The following LRRN1 variants were observed in gnomAD, a reference collection of about 807,000 sequenced individuals.
LRRN1 encodes leucine rich repeat neuronal 1, also known as leucine-rich repeat neuronal protein 1.
Under a neutral mutation model 45.8 loss-of-function variants are expected in LRRN1, and 14 were observed. The ratio of observed to expected loss-of-function variants is 0.31; its 90% CI spans 0.20 to 0.48. The LOEUF is 0.48. Among genes scored for constraint, LRRN1 ranks in the 20% least tolerant of loss-of-function variants. The probability of loss-of-function intolerance (pLI) is 0.99; values close to 1 mark genes in which losing one functional copy is unlikely to be tolerated. For missense variants in LRRN1, 789 were observed against 874.2 expected (o/e 0.90, Z 1.23); for synonymous variants, 359 against 330.1 (o/e 1.09, Z -0.95).
intron 1 of LRRN1, among the ~76,000 whole-genome samples, chr3:3,822,382 TG>T (rs1177637135): frequency 6.6e-6 from 1 of 152,170 alleles, no homozygotes; most frequent in East Asian, 1.9e-4. Flanking sequence ...TTGGAAAGGG[TG>T]TTTTCTGTCT....
At chr3:3,802,499 G>A (rs548184200) in intron 1 of LRRN1, among the ~76,000 whole-genome samples, 2 of 152,158 alleles carry the variant, frequency 1.3e-5, no homozygotes, top group Non-Finnish European at 2.9e-5. Context: ...TTGTTTTGGA[G>A]GGCTCAGTGT....
chr3:3,827,052 A>G lies in LRRN1; in HGVS notation c.-278-17312A>G, dbSNP rs1317095162. 2.0e-5 allele frequency among the ~76,000 whole-genome samples: 3 copies of G among 152,188 alleles called. No individual in the cohort carries two copies. In the East Asian group the frequency reaches 5.8e-4, roughly 29 times the overall value. On this transcript the variant is annotated intron_variant, in intron 1 of 1. Coordinates refer to ENST00000319331, the MANE Select transcript of LRRN1 (RefSeq NM_020873.7). ...CACCCATGAAAAAGACTCAGATTCA[A>G]TACGAGACATCAATCCTGTAAATAA...
chr3:3,803,831 T>C (rs1210908602), intron 1 of LRRN1, among the ~76,000 whole-genome samples: 1 of 152,236 alleles, frequency 6.6e-6, no homozygotes, highest in Non-Finnish European at 1.5e-5. Context: ...GAAGTTTGCT[T>C]TTTAATTTCT....
chr3:3,816,658 A>G lies in LRRN1; in HGVS notation c.-279+16739A>G, dbSNP rs964129206. Among the ~76,000 whole-genome samples, 1 of 152,200 alleles carries G rather than the reference A, an allele frequency of 6.6e-6. No individual in the cohort carries two copies. The highest frequency in any genetic ancestry group is 2.1e-4 in the South Asian group (1 of 4,832). On this transcript the variant is annotated intron_variant, in intron 1 of 1. Transcript: ENST00000319331. This position sits in a 1 kb window ranked among gnomAD's most constrained non-coding sequence, Gnocchi z 4.0. ...TATAGGTATTACAATTTGAAACTAT[A>G]AAAGCTTTCTAGGAAACCTTCAGTC...
At chr3:3,840,734 T>A (rs1157061485) in intron 1 of LRRN1, among the ~76,000 whole-genome samples, 2 of 152,228 alleles carry the variant, frequency 1.3e-5, no homozygotes, top group Admixed American at 6.5e-5. Flanking sequence ...CTTGATCTGA[T>A]TTCTAACATT....
intron 1 of LRRN1, among the ~76,000 whole-genome samples, chr3:3,839,596 T>A (rs2106468846): frequency 6.6e-6 from 1 of 152,276 alleles, no homozygotes; most frequent in Admixed American, 6.5e-5. Flanking sequence ...CAATATTAAA[T>A]TTTCCAGTCT....
In LRRN1 at chr3:3,846,611, A is replaced by T; in HGVS notation, c.1970A>T (p.Lys657Met). 1 of 1,614,150 alleles carries T rather than the reference A, an allele frequency of 6.2e-7. No homozygotes were observed. Reference protein sequence around the residue: ...SIAVYFAKRFKRKNYHHSLKK... With the variant: ...SIAVYFAKRFMRKNYHHSLKK... ...GCTGTGTACTTTGCCAAAAGATTTA[A>T]GAGAAAAAACTACCACCACTCATTA... The change falls in exon 2 of 2, where the codon AAG (lysine) becomes ATG (methionine). Residue 657 changes from lysine (K) to methionine (M), a missense_variant. Coordinates refer to ENST00000319331, the MANE Select transcript of LRRN1 (RefSeq NM_020873.7). The surrounding 1 kb of genome is among the most constrained non-coding windows in gnomAD (Gnocchi z 5.7).
Position 3,845,079 on chromosome 3 carries a change from A to G in LRRN1, c.438A>G (p.Gln146=), listed in dbSNP as rs1256934724. ...GTCTACAAGACCTCAGCAACCTTCAAGAACTCTACATCAACCACAACCAAA... is the reference window on the plus strand; with the variant it reads ...GTCTACAAGACCTCAGCAACCTTCAGGAACTCTACATCAACCACAACCAAA... The part of the protein sequence containing the change: ...DYCLQDLSNL[Q]ELYINHNQIS... Residue 146 remains glutamine (Q), a synonymous_variant, in exon 2 of 2, where the codon CAA becomes CAG. Transcript: ENST00000319331. This position sits in a 1 kb window ranked among gnomAD's most constrained non-coding sequence, Gnocchi z 6.5. The G allele has an allele frequency of 1.9e-6, 3 of 1,614,192 alleles. No homozygotes were observed. The highest frequency in any genetic ancestry group is 1.7e-6 in the Non-Finnish European group (2 of 1,180,032).
In LRRN1 at chr3:3,849,701, A is replaced by G. The variant is rs1693856893; in HGVS notation, c.*2909A>G. ...CAGGCATTCCCTAACTTGCTCATTT[A>G]ATTAATGAAAAATTGAACTGATGCC... On this transcript the variant is annotated 3_prime_UTR_variant, in exon 2 of 2. Coordinates refer to ENST00000319331, the MANE Select transcript of LRRN1 (RefSeq NM_020873.7). Among the ~76,000 whole-genome samples, 1 of 152,180 alleles carries G rather than the reference A, an allele frequency of 6.6e-6. No individual in the cohort carries two copies. Among genetic ancestry groups the G allele is most frequent in the Non-Finnish European group, 1.5e-5 (1 of 68,016 alleles).
chr3:3,800,247 G>A (rs1176885622), intron 1 of LRRN1, among the ~76,000 whole-genome samples: 2 of 152,060 alleles, frequency 1.3e-5, no homozygotes, highest in Non-Finnish European at 2.9e-5. Context: ...GATTTCAGGG[G>A]CCGACCAGGG....
At chr3:3,832,366 C>T (rs1693391155) in intron 1 of LRRN1, among the ~76,000 whole-genome samples, 1 of 152,152 alleles carries the variant, frequency 6.6e-6, no homozygotes, top group Non-Finnish European at 1.5e-5. Flanking sequence ...ATGTCTATGC[C>T]AATTATGCAT....
intron 1 of LRRN1, among the ~76,000 whole-genome samples, chr3:3,843,406 G>A (rs1325674487): frequency 6.6e-6 from 1 of 152,042 alleles, no homozygotes; most frequent in Non-Finnish European, 1.5e-5. Flanking sequence ...TTCAAATATA[G>A]GCAAAACTGA....
rs887663887 is a variant in LRRN1, at chr3:3,849,809, A to G, written c.*3017A>G. Among the ~76,000 whole-genome samples, 15 of 152,204 alleles carry G rather than the reference A, an allele frequency of 9.9e-5. No homozygotes were observed. The highest frequency in any genetic ancestry group is 7.3e-5 in the Non-Finnish European group (5 of 68,028). On this transcript the variant is annotated 3_prime_UTR_variant, in exon 2 of 2. Transcript: ENST00000319331. The stretch of plus-strand genomic sequence containing the variant: ...GAATCATCTCTATTTTTTTGCAAAC[A>G]ATATCAAAGTGCATATTTTCTCTCA...
chr3:3,834,469 A>G (rs1229722835), intron 1 of LRRN1, among the ~76,000 whole-genome samples: 1 of 133,786 alleles, frequency 7.5e-6, no homozygotes, highest in East Asian at 2.2e-4. Flanking sequence ...CTGTTCCTTT[A>G]GAACCACTCC....
intron 1 of LRRN1, among the ~76,000 whole-genome samples, chr3:3,814,094 T>C (rs993891966): frequency 6.6e-6 from 1 of 151,064 alleles, no homozygotes; most frequent in Non-Finnish European, 1.5e-5. Context: ...ATATGGCACT[T>C]CTTCTTTGTT....
At chr3:3,810,677 A>G (rs1455921028) in intron 1 of LRRN1, among the ~76,000 whole-genome samples, 2 of 152,212 alleles carry the variant, frequency 1.3e-5, no homozygotes, top group Non-Finnish European at 2.9e-5. Flanking sequence ...ACTGTACTCT[A>G]GCCTGAGTGA....
rs9833181 is a variant in LRRN1 at position 3,807,045 on chromosome 3, C to T, written c.-279+7126C>T. 3.9e-4 allele frequency among the ~76,000 whole-genome samples: 59 copies of T among 152,290 alleles called. 1 individual carries two copies. Among genetic ancestry groups the T allele is most frequent in the African/African-American group, 1.3e-3 (54 of 41,554 alleles). On this transcript the variant is annotated intron_variant, in intron 1 of 1. Coordinates refer to ENST00000319331, the MANE Select transcript of LRRN1 (RefSeq NM_020873.7). ...GGAGTCCTAACAGGTAACAAGCTGA[C>T]GGTGACTCAGCATGCTAGCTCTTGG...
At position 3,845,236 on chromosome 3, in the gene LRRN1, G is replaced by A. The variant is rs1693739496; in HGVS notation, c.595G>A (p.Gly199Arg). 4 of 1,613,972 alleles carry A rather than the reference G, an allele frequency of 2.5e-6. No homozygotes were observed. Among genetic ancestry groups the A allele is most frequent in the East Asian group, 2.2e-5 (1 of 44,890 alleles). Residue 199 changes from glycine to arginine, a missense_variant, in exon 2 of 2, where the codon GGA (glycine) becomes AGA (arginine). Physicochemically the swap from Gly to Arg is moderately radical, Grantham distance 125. Transcript: ENST00000319331. This position sits in a 1 kb window ranked among gnomAD's most constrained non-coding sequence, Gnocchi z 6.5. ...ACCCAACCTGGAAATTCTCATGATC[G>A]GAGAAAACCCTGTGATTGGAATTCT... ...STPNLEILMIGENPVIGILDM... is the reference protein window; with the variant it reads ...STPNLEILMIRENPVIGILDM...
intron 1 of LRRN1, among the ~76,000 whole-genome samples, chr3:3,821,593 G>C (rs1441339529): frequency 6.6e-6 from 1 of 152,060 alleles, no homozygotes; most frequent in African/African-American, 2.4e-5. Context: ...AAATCAGTGT[G>C]ATTCAATTTG....
Sources: allele counts gnomAD v4.1 joint callset (sites outside exome capture counted in the v4.1 genomes callset), GRCh38; gene constraint gnomAD v4.1.1; non-coding constraint Gnocchi (gnomAD v3.1); transcripts MANE v1.5; gene names NCBI Gene and HGNC (gene_info 2026-07-23, HGNC 2026-07-21).